Variants in SST observed in about 807,000 individuals in gnomAD.
SST encodes growth hormone release-inhibiting factor.
A neutral mutation model predicts 10.4 loss-of-function variants in SST; 7 were observed. That is an observed-to-expected ratio of 0.67 (90% CI 0.38 to 1.26). The LOEUF is 1.26. Among genes scored for constraint, SST ranks in the 50% most tolerant of loss-of-function variants. The pLI is 0.02. For missense variants in SST, 145 were observed against 140.8 expected, an observed-to-expected ratio of 1.03 and a Z score of -0.15; for synonymous variants, 63 against 63.9, an observed-to-expected ratio of 0.99 and a Z score of 0.07.
Position 187,668,928 on chromosome 3 carries a change from C to T in SST, c.*137G>A. 5 of 796,670 alleles carry T rather than the reference C, an allele frequency of 6.3e-6. No homozygotes were observed. Among genetic ancestry groups the T allele is most frequent in the South Asian group, 1.7e-5 (1 of 58,310 alleles). 49.4% of individuals were successfully genotyped at this position (796,670 alleles called of 1,614,324 possible). ...AAATTCACATTTTTCATAATTTCAC[C>T]ATAATTTTATTTTGTATTTACAGTT... On this transcript the variant is annotated 3_prime_UTR_variant, in exon 2 of 2. Transcript: ENST00000287641.
At chr3:187,669,700 C>T (rs1717193248) in intron 1 of SST, among the ~76,000 whole-genome samples, 1 of 152,114 alleles carries the variant, frequency 6.6e-6, no homozygotes, top group African/African-American at 2.4e-5. Flanking sequence ...TGTAGGGGAA[C>T]GAGACTTCTC....
Position 187,669,015 on chromosome 3 carries a change from G to A in SST, c.*50C>T. On this transcript the variant is annotated 3_prime_UTR_variant, in exon 2 of 2. Coordinates refer to ENST00000287641, the MANE Select transcript of SST (RefSeq NM_001048.4). ...GAGGATTAGGGAAGAGAGATGGGGT[G>A]TGGGGGCGAGGGATCAGAGGTCTGA... The A allele has an allele frequency of 2.6e-6, 4 of 1,563,244 alleles. No individual in the cohort carries two copies. The highest frequency in any genetic ancestry group is 1.1e-5 in the South Asian group (1 of 90,102).
Position 187,670,312 on chromosome 3 carries a change from G to C in SST, c.-21C>G. The C allele has an allele frequency of 6.4e-7, 1 of 1,564,556 alleles. No individual in the cohort carries two copies. The highest frequency in any genetic ancestry group is 1.2e-5 in the South Asian group (1 of 85,268). ...AGCATCTCGGCGCCGCGAAAGCCGAGCTGGAGAGTGGCTGGTCAAACTCTA... is the reference window on the plus strand; with the variant it reads ...AGCATCTCGGCGCCGCGAAAGCCGACCTGGAGAGTGGCTGGTCAAACTCTA... On this transcript the variant is annotated 5_prime_UTR_variant, in exon 1 of 2. Transcript: ENST00000287641.
intron 1 of SST, among the ~76,000 whole-genome samples, chr3:187,669,790 G>A (rs1351064551): frequency 2.0e-5 from 3 of 152,186 alleles, no homozygotes; most frequent in Non-Finnish European, 4.4e-5. Context: ...GGTACGCTAA[G>A]AGGTAGCAGC....
intron 1 of SST, among the ~76,000 whole-genome samples, chr3:187,669,566 A>G (rs1340850827): frequency 6.0e-4 from 66 of 109,608 alleles, no homozygotes; most frequent in African/African-American, 2.8e-3. Context: ...ACAAACACAC[A>G]CACACACACA....
intron 1 of SST, among the ~76,000 whole-genome samples, chr3:187,669,555 C>A (rs1717188125): frequency 8.0e-6 from 1 of 125,034 alleles, no homozygotes; most frequent in African/African-American, 3.7e-5. Flanking sequence ...CACACACACG[C>A]ACAAACACAC....
intron 1 of SST, 31 bp downstream of exon 1, chr3:187,670,123 A>G (rs34477564): frequency 0.12 from 183,765 of 1,567,244 alleles, 11,765 homozygotes; most frequent in African/African-American, 0.24. Context: ...AGGGCTGGAG[A>G]ATCCGGGAGA....
At position 187,670,138 on chromosome 3, in the gene SST, G is replaced by C; in HGVS notation, c.138+16C>G. On this transcript the variant is annotated intron_variant, in intron 1 of 1. Coordinates refer to ENST00000287641, the MANE Select transcript of SST (RefSeq NM_001048.4). ...AGGGCTGGAGAATCCGGGAGACGTC[G>C]AGGGAGTCTCCTTACCTGCTTCCCC... 1.9e-6 allele frequency: 3 copies of C among 1,577,624 alleles called. No homozygotes were observed. The highest frequency in any genetic ancestry group is 2.6e-6 in the Non-Finnish European group (3 of 1,161,710).
In SST at chr3:187,670,210, C is replaced by A; in HGVS notation, c.82G>T (p.Asp28Tyr). The change falls in exon 1 of 2, where the codon GAC (aspartate) becomes TAC (tyrosine). Residue 28 changes from aspartate (D) to tyrosine (Y), a missense_variant. By Grantham distance (160) the Asp-to-Tyr change is radical (BLOSUM62 -3). Coordinates refer to ENST00000287641, the MANE Select transcript of SST (RefSeq NM_001048.4). ...TGCAGAAACTGACGGAGTCTGGGGT[C>A]CGAGGGAGCGCCGGTGACACAGCCC... ...ALGCVTGAPS[D>Y]PRLRQFLQKS... 1 of 1,595,522 alleles carries A rather than the reference C, an allele frequency of 6.3e-7. No individual in the cohort carries two copies. Among genetic ancestry groups the A allele is most frequent in the Non-Finnish European group, 8.5e-7 (1 of 1,171,206 alleles).
intron 1 of SST, among the ~76,000 whole-genome samples, 198 bp from the exon 2 acceptor site, chr3:187,669,475 A>G (rs1423288602): frequency 1.3e-5 from 2 of 152,088 alleles, no homozygotes; most frequent in Non-Finnish European, 2.9e-5. Flanking sequence ...CAAGTTACAC[A>G]AAAAGGCTTT....
intron 1 of SST, 55 bp from the exon 2 acceptor site, chr3:187,669,332 G>T: frequency 1.3e-6 from 2 of 1,544,684 alleles, no homozygotes; most frequent in Admixed American, 3.6e-5. Context: ...GGAGGACAAT[G>T]GAAAAAATTT....
In SST at chr3:187,669,158, C is replaced by T; in HGVS notation, c.258G>A (p.Leu86=). The T allele has an allele frequency of 6.2e-7, 1 of 1,614,002 alleles. No individual in the cohort carries two copies. The highest frequency in any genetic ancestry group is 8.5e-7 in the Non-Finnish European group (1 of 1,180,024). Residue 86 remains leucine (L), a synonymous_variant, in exon 2 of 2, where the codon CTG becomes CTA. Transcript: ENST00000287641. Reference sequence around the variant, plus strand: ...CCGGGTTTGAGTTAGCAGATCTCTGCAGCTCAAGCCTCATTTCATCCTGCT... The same window carrying T: ...CCGGGTTTGAGTTAGCAGATCTCTGTAGCTCAAGCCTCATTTCATCCTGCT... The part of the protein sequence containing the change: ...AAEQDEMRLE[L]QRSANSNPAM...
chr3:187,670,196 A>C lies in SST; in HGVS notation c.96T>G (p.Arg32=), dbSNP rs1717203156. Residue 32 remains arginine, a synonymous_variant, in exon 1 of 2, where the codon CGT becomes CGG. Coordinates refer to ENST00000287641, the MANE Select transcript of SST (RefSeq NM_001048.4). ...CAGCCAGGGACTTCTGCAGAAACTGACGGAGTCTGGGGTCCGAGGGAGCGC... is the reference window on the plus strand; with the variant it reads ...CAGCCAGGGACTTCTGCAGAAACTGCCGGAGTCTGGGGTCCGAGGGAGCGC... The part of the protein sequence containing the change: ...VTGAPSDPRL[R]QFLQKSLAAA... 6.3e-7 allele frequency: 1 copy of C among 1,594,930 alleles called. No homozygotes were observed. The highest frequency in any genetic ancestry group is 1.3e-5 in the African/African-American group (1 of 74,618).
rs143908336 is a variant in SST at position 187,670,213 on chromosome 3, A to G, written c.79T>C (p.Ser27Pro). The G allele has an allele frequency of 3.3e-5, 53 of 1,595,720 alleles. No homozygotes were observed. Among genetic ancestry groups the G allele is most frequent in the Non-Finnish European group, 4.4e-5 (52 of 1,171,382 alleles). ...AGAAACTGACGGAGTCTGGGGTCCG[A>G]GGGAGCGCCGGTGACACAGCCCAGG... ...LALGCVTGAP[S>P]DPRLRQFLQK... The change falls in exon 1 of 2, where the codon TCG becomes CCG. Residue 27 changes from serine (S) to proline (P), a missense_variant. Transcript: ENST00000287641.
intron 1 of SST, 53 bp downstream of exon 1, chr3:187,670,101 C>T: frequency 3.9e-6 from 6 of 1,547,402 alleles, no homozygotes; most frequent in Non-Finnish European, 3.5e-6. Flanking sequence ...GGGGCAGGAG[C>T]AAGGCTTAGG....
At position 187,670,154 on chromosome 3, in the gene SST, CT is replaced by C; in HGVS notation, c.137del (p.Gln46ArgfsTer37). 1 of 1,585,610 alleles carries C rather than the reference CT, an allele frequency of 6.3e-7. No homozygotes were observed. Among genetic ancestry groups the C allele is most frequent in the Non-Finnish European group, 8.6e-7 (1 of 1,166,104 alleles). On this transcript the variant is annotated frameshift_variant and splice_region_variant, in exon 1 of 2. Coordinates refer to ENST00000287641, the MANE Select transcript of SST (RefSeq NM_001048.4). LOFTEE classifies it high-confidence loss of function. ...QKSLAAAAGK[Q>X]ELAKYFLAEL... The stretch of plus-strand genomic sequence containing the variant: ...GGAGACGTCGAGGGAGTCTCCTTAC[CT>C]GCTTCCCCGCGGCAGCAGCCAGGGA...
intron 1 of SST, among the ~76,000 whole-genome samples, chr3:187,669,490 G>A (rs1012876338): frequency 6.6e-6 from 1 of 151,750 alleles, no homozygotes; most frequent in Non-Finnish European, 1.5e-5. Flanking sequence ...GGCTTTAAGA[G>A]CTCAAATGTT....
chr3:187,670,029 G>A, intron 1 of SST, 125 bp downstream of exon 1: 2 of 1,051,276 alleles, frequency 1.9e-6, no homozygotes, highest in Non-Finnish European at 2.7e-6. Flanking sequence ...CGGGAGCTGA[G>A]GGACCCAGAA....
chr3:187,669,196 A>T lies in SST; in HGVS notation c.220T>A (p.Ser74Thr). 1.9e-6 allele frequency: 3 copies of T among 1,613,958 alleles called. No individual in the cohort carries two copies. Among genetic ancestry groups the T allele is most frequent in the Non-Finnish European group, 2.5e-6 (3 of 1,180,010 alleles). The change falls in exon 2 of 2, where the codon TCC becomes ACC. Residue 74 changes from serine to threonine, a missense_variant. By Grantham distance (58) the Ser-to-Thr change is moderately conservative (BLOSUM62 1). Transcript: ENST00000287641. ...ATTTCATCCTGCTCAGCAGCCTGGG[A>T]CAGATCTTCAGGTTCCAGGGCATCA... Reference protein sequence around the residue: ...ENDALEPEDLSQAAEQDEMRL... With the variant: ...ENDALEPEDLTQAAEQDEMRL...
Sources: gnomAD v4.1 joint callset for allele counts (sites outside exome capture counted in the v4.1 genomes callset) on GRCh38, gnomAD v4.1.1 for gene constraint, MANE v1.5 for transcripts, NCBI Gene and HGNC (gene_info 2026-07-23, HGNC 2026-07-21) for gene names.